The following BRD10 variants were observed in gnomAD, a reference collection of about 807,000 sequenced individuals.
BRD10 encodes uncharacterized bromodomain-containing protein 10.
At chr9:5,952,651 A>G in the BRD10 span, among the ~76,000 whole-genome samples, 2 of 152,194 alleles carry the variant, frequency 1.3e-5, no homozygotes, top group Non-Finnish European at 2.9e-5. Context: ...TAATATATGG[A>G]AAAGTCTATT....
At chr9:5,892,759 G>A in the BRD10 span, among the ~76,000 whole-genome samples, 1 of 152,198 alleles carries the variant, frequency 6.6e-6, no homozygotes, top group South Asian at 2.1e-4. Context: ...AGGAAGATGG[G>A]AATGGTATAA....
the BRD10 span, among the ~76,000 whole-genome samples, chr9:5,995,248 T>C: frequency 6.6e-6 from 1 of 152,208 alleles, no homozygotes; most frequent in African/African-American, 2.4e-5. Flanking sequence ...TTCTCGCAGG[T>C]GACTGCCCAT....
the BRD10 span, chr9:5,967,982 A>G: frequency 4.7e-6 from 6 of 1,269,066 alleles, no homozygotes; most frequent in African/African-American, 3.0e-5. Context: ...TTTGAATTAT[A>G]CTTAAATATA....
the BRD10 span, among the ~76,000 whole-genome samples, chr9:5,947,553 C>G: frequency 6.6e-6 from 1 of 151,982 alleles, no homozygotes; most frequent in South Asian, 2.1e-4. Flanking sequence ...AGCTACATAA[C>G]AATTTATACT....
chr9:5,926,110 G>T, the BRD10 span, among the ~76,000 whole-genome samples: 1 of 152,054 alleles, frequency 6.6e-6, no homozygotes, highest in Admixed American at 6.6e-5. Flanking sequence ...TAGAGACGGG[G>T]TTTCACCATG....
the BRD10 span, chr9:5,921,025 T>G: frequency 1.2e-6 from 2 of 1,613,840 alleles, no homozygotes; most frequent in Non-Finnish European, 1.7e-6. Context: ...ATAAATTTGC[T>G]CCGGTAACTG....
the BRD10 span, among the ~76,000 whole-genome samples, chr9:5,924,312 T>C: frequency 6.6e-6 from 1 of 151,482 alleles, no homozygotes; most frequent in East Asian, 1.9e-4. Flanking sequence ...TGAGACAGCA[T>C]TTTGCTCTGT....
chr9:5,944,176 G>A, the BRD10 span, among the ~76,000 whole-genome samples: 2 of 152,018 alleles, frequency 1.3e-5, no homozygotes, highest in African/African-American at 4.8e-5. Context: ...TTTATTTACT[G>A]GTATGTAATT....
At chr9:5,933,838 G>T in the BRD10 span, 1 of 470,946 alleles carries the variant, frequency 2.1e-6, no homozygotes, top group Admixed American at 2.3e-5. Context: ...AGTGTGGCAA[G>T]GAGAGGGAGT....
the BRD10 span, chr9:5,968,305 T>C: frequency 9.9e-6 from 16 of 1,611,234 alleles, no homozygotes; most frequent in Non-Finnish European, 1.4e-5. Flanking sequence ...CATTTACATG[T>C]ATTTGGCAAG....
At chr9:5,891,238 C>G in the BRD10 span, 1 of 152,200 alleles carries the variant, frequency 6.6e-6, no homozygotes, top group Non-Finnish European at 1.5e-5. Context: ...ACCACTTCTC[C>G]TGGTCTGAGT....
At chr9:5,898,256 C>T in the BRD10 span, 1 of 152,866 alleles carries the variant, frequency 6.5e-6, no homozygotes, top group Non-Finnish European at 1.5e-5. Flanking sequence ...ACTATGTTGC[C>T]CAGGCTGGTC....
chr9:5,971,052 C>CAAA, the BRD10 span, among the ~76,000 whole-genome samples: 43 of 43,190 alleles, frequency 1.0e-3, 10 homozygotes, highest in Admixed American at 3.0e-3. Flanking sequence ...AGCAACGTCT[C>CAAA]AAAAAAAAAA....
the BRD10 span, among the ~76,000 whole-genome samples, chr9:5,900,477 G>C: frequency 6.6e-6 from 1 of 152,112 alleles, no homozygotes; most frequent in African/African-American, 2.4e-5. Flanking sequence ...ATGTAAAATA[G>C]TGCATTAAGT....
the BRD10 span, chr9:5,921,909 G>C: frequency 6.2e-7 from 1 of 1,613,952 alleles, no homozygotes; most frequent in Middle Eastern, 1.6e-4. Flanking sequence ...CCCATGGATG[G>C]GGCAAAGCTA....
the BRD10 span, chr9:5,920,395 G>C: frequency 6.2e-7 from 1 of 1,613,946 alleles, no homozygotes; most frequent in Non-Finnish European, 8.5e-7. Context: ...AAGGTTCACT[G>C]AACTGACTCC....
At chr9:5,898,768 T>C in the BRD10 span, among the ~76,000 whole-genome samples, 1 of 152,204 alleles carries the variant, frequency 6.6e-6, no homozygotes, top group African/African-American at 2.4e-5. Context: ...TCCTCACTGG[T>C]TACCTGTGAA....
the BRD10 span, among the ~76,000 whole-genome samples, chr9:5,967,662 C>T: frequency 3.7e-5 from 5 of 134,428 alleles, no homozygotes; most frequent in Non-Finnish European, 7.7e-5. Flanking sequence ...GAAATCAGTG[C>T]TTTTCCTACT....
chr9:5,950,242 T>C, the BRD10 span, among the ~76,000 whole-genome samples: 1 of 152,148 alleles, frequency 6.6e-6, no homozygotes, highest in South Asian at 2.1e-4. Flanking sequence ...GGGTCAATAA[T>C]AGATGTTTTT....
Sources: gnomAD v4.1 joint callset for allele counts (sites outside exome capture counted in the v4.1 genomes callset) on GRCh38, gnomAD v4.1.1 for gene constraint, MANE v1.5 for transcripts, NCBI Gene and HGNC (gene_info 2026-07-23, HGNC 2026-07-21) for gene names.